HOMER2: variants seen among roughly 807,000 people sequenced by gnomAD.
HOMER2 encodes homer scaffold protein 2.
HOMER2 carries 27 observed loss-of-function variants against 47.0 expected under a neutral mutation model. That is an observed-to-expected ratio of 0.57 (90% CI 0.42 to 0.79). The LOEUF (loss-of-function observed/expected upper bound fraction) is 0.79, where lower values mean the gene tolerates loss of function less well. HOMER2 is among the 30% of genes least tolerant of loss of function. HOMER2 has a pLI of 0.00. For synonymous variants in HOMER2, 161 were observed against 163.8 expected (o/e 0.98, Z 0.13); for missense variants, 443 against 435.0 (o/e 1.02, Z -0.16).
intron 4 of HOMER2, among the ~76,000 whole-genome samples, chr15:82,860,950 A>AT (rs2051757312): frequency 1.4e-5 from 1 of 69,440 alleles, no homozygotes; most frequent in Non-Finnish European, 3.4e-5. Flanking sequence ...GATAGAAGAT[A>AT]GAAGATGAGA....
At chr15:82,960,749 C>T (rs2054624073) in intron 1 of HOMER2, among the ~76,000 whole-genome samples, 1 of 152,178 alleles carries the variant, frequency 6.6e-6, no homozygotes, top group African/African-American at 2.4e-5. Context: ...CGGCTCCACT[C>T]CTACTCTCTT....
rs41310968 is a variant in HOMER2, at chr15:82,852,045, T to C, written c.762+97A>G. 203 of 758,546 alleles carry C rather than the reference T, an allele frequency of 2.7e-4. 2 individuals carry two copies. In the East Asian group the frequency reaches 5.2e-3, roughly 19 times the overall value. 47.0% of individuals were successfully genotyped at this position (758,546 alleles called of 1,614,324 possible). A position where few individuals can be genotyped will look rare whatever the true frequency, so the allele number is the denominator to read the frequency against. On this transcript the variant is annotated intron_variant, in intron 7 of 8. Transcript: ENST00000450735. ...CTCTCCGTGCTGCTATCCAGGCAGC[T>C]GCCAGGGCCAGTCATAGGCCCCAAG...
At chr15:82,978,747 A>C (rs1342460860) in intron 1 of HOMER2, among the ~76,000 whole-genome samples, 1 of 151,720 alleles carries the variant, frequency 6.6e-6, no homozygotes, top group Non-Finnish European at 1.5e-5. Context: ...TTTGAGAGGG[A>C]GTCTCACTCT....
chr15:82,838,559 A>G (rs1022659227), exon 2 of HOMER2: 1 of 152,354 alleles, frequency 6.6e-6, no homozygotes, highest in Non-Finnish European at 1.5e-5. Flanking sequence ...AGCCAAGTAC[A>G]GCTTCATGGA....
intron 4 of HOMER2, among the ~76,000 whole-genome samples, chr15:82,862,300 C>A (rs2051821291): frequency 6.6e-6 from 1 of 152,148 alleles, no homozygotes; most frequent in Non-Finnish European, 1.5e-5. Context: ...CTAAATAATA[C>A]ATATACGTTA....
intron 1 of HOMER2, among the ~76,000 whole-genome samples, chr15:82,945,332 G>T (rs1332244038): frequency 1.3e-5 from 2 of 152,008 alleles, no homozygotes; most frequent in African/African-American, 4.8e-5. Context: ...GGATTTAAAT[G>T]ATGAGGTATT....
intron 1 of HOMER2, among the ~76,000 whole-genome samples, chr15:82,975,144 A>T (rs2151260069): frequency 6.6e-6 from 1 of 152,372 alleles, no homozygotes; most frequent in South Asian, 2.1e-4. Flanking sequence ...AGAGAAATGC[A>T]GATCAGAACT....
chr15:82,985,330 T>C (rs1471423257), intron 1 of HOMER2, among the ~76,000 whole-genome samples: 3 of 152,130 alleles, frequency 2.0e-5, no homozygotes, highest in Admixed American at 6.5e-5. Flanking sequence ...GCTACACCTA[T>C]AGCAGGTATA....
At chr15:82,858,081 G>C (rs1051378893) in intron 5 of HOMER2, among the ~76,000 whole-genome samples, 4 of 152,190 alleles carry the variant, frequency 2.6e-5, no homozygotes, top group Admixed American at 2.6e-4. Context: ...TATAAACCTT[G>C]AAATCATTTT....
intron 1 of HOMER2, among the ~76,000 whole-genome samples, chr15:82,905,579 A>G (rs1274876887): frequency 6.6e-6 from 1 of 152,228 alleles, no homozygotes; most frequent in Non-Finnish European, 1.5e-5. Flanking sequence ...GCCAGAGGAA[A>G]GAAACACCTT....
chr15:82,875,086 A>G (rs567609424), intron 3 of HOMER2, among the ~76,000 whole-genome samples, 187 bp downstream of exon 3: 1 of 152,310 alleles, frequency 6.6e-6, no homozygotes, highest in African/African-American at 2.4e-5. Flanking sequence ...TCCCTTCCCC[A>G]GATGACTTCC....
Position 82,925,304 on chromosome 15 carries a change from G to A in HOMER2, c.5+27227C>T, listed in dbSNP as rs952939343. ...CATCAACCAGCCATGGGGTCAGTAA[G>A]ATGGGGCATTAGGCAGGACCTGGTG... On this transcript the variant is annotated intron_variant, in intron 1 of 8. Coordinates refer to ENST00000450735, the MANE Select transcript of HOMER2 (RefSeq NM_004839.4). 2.0e-5 allele frequency among the ~76,000 whole-genome samples: 3 copies of A among 152,194 alleles called. No individual in the cohort carries two copies. In the South Asian group the frequency reaches 6.2e-4, roughly 32 times the overall value.
downstream of HOMER2, among the ~76,000 whole-genome samples, chr15:82,848,337 G>C (rs1423178840): frequency 6.6e-6 from 1 of 152,156 alleles, no homozygotes; most frequent in East Asian, 1.9e-4. Flanking sequence ...GGTTCTCAAA[G>C]GGGTGAGGGG....
rs2054535813 is a variant in HOMER2, at chr15:82,952,701, C to T, written c.-166G>A. On this transcript the variant is annotated 5_prime_UTR_variant, in exon 1 of 9. Transcript: ENST00000450735. The stretch of plus-strand genomic sequence containing the variant: ...TGCGCGGCTGCCACTGCTGCCACTG[C>T]CGCCACCGCCGCCAGGCGCGGGCGG... 1.0e-6 allele frequency: 1 copy of T among 983,770 alleles called. No homozygotes were observed. Among genetic ancestry groups the T allele is most frequent in the South Asian group, 4.6e-5 (1 of 21,538 alleles). The allele number at this position is 983,770 out of a possible 1,614,324, so 60.9% of individuals were successfully genotyped here.
downstream of HOMER2, among the ~76,000 whole-genome samples, chr15:82,957,734 C>T (rs1478629978): frequency 1.3e-5 from 2 of 152,202 alleles, no homozygotes; most frequent in East Asian, 1.9e-4. Context: ...GAGCTATAAA[C>T]GATTTCCAAC....
intron 2 of HOMER2, among the ~76,000 whole-genome samples, chr15:82,888,831 G>A (rs2062078006): frequency 3.1e-5 from 1 of 31,870 alleles, no homozygotes; most frequent in African/African-American, 1.5e-4. Context: ...TACCTCAGAT[G>A]GAAATGCAGA....
intron 2 of HOMER2, among the ~76,000 whole-genome samples, chr15:82,891,723 G>A (rs1249038667): frequency 6.6e-6 from 1 of 152,202 alleles, no homozygotes; most frequent in African/African-American, 2.4e-5. Flanking sequence ...GTCCAGGCAA[G>A]ACTGTGATAG....
chr15:82,874,564 T>C (rs1261902919), intron 3 of HOMER2, among the ~76,000 whole-genome samples: 1 of 152,038 alleles, frequency 6.6e-6, no homozygotes, highest in Non-Finnish European at 1.5e-5. Context: ...TTTCTAACCA[T>C]CCAAGGAGTT....
chr15:82,901,012 GAC>G (rs1186991500), intron 1 of HOMER2, among the ~76,000 whole-genome samples: 1 of 152,178 alleles, frequency 6.6e-6, no homozygotes, highest in African/African-American at 2.4e-5. Flanking sequence ...CTTTATTAAT[GAC>G]ACTACCTTAT....
Sources: gnomAD v4.1 joint callset for allele counts (sites outside exome capture counted in the v4.1 genomes callset) on GRCh38, gnomAD v4.1.1 for gene constraint, MANE v1.5 for transcripts, NCBI Gene and HGNC (gene_info 2026-07-23, HGNC 2026-07-21) for gene names.